The following NUDC variants were observed in gnomAD, a reference collection of about 807,000 sequenced individuals.
The protein encoded by NUDC is nuclear distribution C, dynein complex regulator, also known as nuclear migration protein nudC.
In NUDC, 14 loss-of-function variants were observed where a neutral mutation model predicts 45.0. That is an observed-to-expected ratio of 0.31 (90% CI 0.21 to 0.49). NUDC has a LOEUF of 0.49. Among genes scored for constraint, NUDC ranks in the 20% least tolerant of loss-of-function variants. The probability of loss-of-function intolerance (pLI) is 0.99; values close to 1 mark genes in which losing one functional copy is unlikely to be tolerated. For missense variants in NUDC, 323 were observed against 426.2 expected (o/e 0.76, Z 2.13); for synonymous variants, 153 against 156.7 (o/e 0.98, Z 0.17).
chr1:26,914,730 G>T (rs976015675), intron 3 of NUDC, among the ~76,000 whole-genome samples: 4 of 152,176 alleles, frequency 2.6e-5, no homozygotes, highest in Non-Finnish European at 4.4e-5. Context: ...ACTTTGGGAG[G>T]CTGAGGAAGG....
chr1:26,914,283 C>T (rs2082049132), intron 3 of NUDC, among the ~76,000 whole-genome samples: 1 of 152,218 alleles, frequency 6.6e-6, no homozygotes, highest in Admixed American at 6.5e-5. Context: ...GGCACCAAGG[C>T]CCCAGGTGCA....
At chr1:26,922,049 A>G (rs1383332605) in intron 1 of NUDC, 120 bp downstream of exon 1, 2 of 1,012,470 alleles carry the variant, frequency 2.0e-6, no homozygotes, top group East Asian at 5.3e-5. Flanking sequence ...ATGCCCCTAC[A>G]TTCTCACTGC....
At chr1:26,921,631 G>A, upstream of NUDC, 1 of 592,998 alleles carries the variant, frequency 1.7e-6, no homozygotes, top group Non-Finnish European at 3.0e-6. Flanking sequence ...AATGGTCGGC[G>A]AAGCGGGTTG....
At chr1:26,945,722 G>A (rs765268614) in intron 8 of NUDC, 36 bp downstream of exon 8, 1 of 1,502,510 alleles carries the variant, frequency 6.7e-7, no homozygotes, top group Non-Finnish European at 9.3e-7. Flanking sequence ...GGGACCGTGG[G>A]TGCCTGGGGG....
intron 3 of NUDC, among the ~76,000 whole-genome samples, chr1:26,915,003 ATG>A (rs2082054184): frequency 6.8e-6 from 1 of 147,582 alleles, no homozygotes; most frequent in Non-Finnish European, 1.5e-5. Context: ...GTATATGTAT[ATG>A]TATATGTATA....
intron 1 of NUDC, among the ~76,000 whole-genome samples, chr1:26,922,911 G>T (rs1013253193): frequency 6.6e-6 from 1 of 152,124 alleles, no homozygotes; most frequent in Non-Finnish European, 1.5e-5. Flanking sequence ...TAAACTGTTC[G>T]CACAAAACTG....
At chr1:26,936,905 C>G (rs1242608918) in intron 2 of NUDC, among the ~76,000 whole-genome samples, 1 of 152,082 alleles carries the variant, frequency 6.6e-6, no homozygotes, top group Non-Finnish European at 1.5e-5. Context: ...ACCGTAACTA[C>G]CCAGAATTAC....
At chr1:26,914,966 C>T (rs941532554) in intron 3 of NUDC, among the ~76,000 whole-genome samples, 3 of 143,066 alleles carry the variant, frequency 2.1e-5, no homozygotes, top group African/African-American at 8.0e-5. Flanking sequence ...GATCCTGTCT[C>T]AAAAAAATAT....
chr1:26,924,206 T>C (rs761510286), intron 2 of NUDC, 40 bp downstream of exon 2: 2 of 1,572,756 alleles, frequency 1.3e-6, no homozygotes, highest in East Asian at 4.5e-5. Flanking sequence ...CGGCTCTGTC[T>C]CTTCAGAAGA....
At chr1:26,912,310 G>T (rs1280280877) in intron 3 of NUDC, among the ~76,000 whole-genome samples, 3 of 152,138 alleles carry the variant, frequency 2.0e-5, no homozygotes, top group African/African-American at 4.8e-5. Flanking sequence ...TAATGGTTAA[G>T]AATTAGGCTT....
chr1:26,944,389 C>T (rs1248312296), intron 6 of NUDC, among the ~76,000 whole-genome samples: 1 of 152,048 alleles, frequency 6.6e-6, no homozygotes, highest in Non-Finnish European at 1.5e-5. Context: ...TTTGTAAAGA[C>T]AGGGTCTCAT....
At chr1:26,935,005 A>G (rs1251131639) in intron 2 of NUDC, among the ~76,000 whole-genome samples, 1 of 131,436 alleles carries the variant, frequency 7.6e-6, no homozygotes, top group Non-Finnish European at 1.6e-5. Flanking sequence ...CTTTTGAGAC[A>G]GAGTCTCGCT....
chr1:26,902,985 G>T (rs2081986967), intron 2 of NUDC, among the ~76,000 whole-genome samples: 2 of 151,912 alleles, frequency 1.3e-5, no homozygotes, highest in Admixed American at 6.6e-5. Context: ...AGGAGGCGGA[G>T]GTTGCAGTGA....
Position 26,912,023 on chromosome 1 carries a change from A to G in NUDC, c.93+788A>G, listed in dbSNP as rs2082030190. On this transcript the variant is annotated intron_variant, in intron 3 of 6. Transcript: ENST00000435827. ...GCACCAGGGTTCCAGGACTTCACACAGCACCCAGTGAGCCTCCTGCTGCAG... is the reference window on the plus strand; with the variant it reads ...GCACCAGGGTTCCAGGACTTCACACGGCACCCAGTGAGCCTCCTGCTGCAG... The G allele has an allele frequency of 6.2e-7, 1 of 1,614,074 alleles. No individual in the cohort carries two copies. The highest frequency in any genetic ancestry group is 1.3e-5 in the African/African-American group (1 of 74,934).
At chr1:26,920,533 T>C (rs1479447124), upstream of NUDC, among the ~76,000 whole-genome samples, 1 of 141,232 alleles carries the variant, frequency 7.1e-6, no homozygotes, top group African/African-American at 2.7e-5. Context: ...AGATGGGAGG[T>C]GAGGGAGTAG....
At chr1:26,927,236 G>C (rs1038218023) in intron 2 of NUDC, among the ~76,000 whole-genome samples, 2 of 119,688 alleles carry the variant, frequency 1.7e-5, no homozygotes, top group African/African-American at 7.0e-5. Flanking sequence ...CTGGAGCACA[G>C]TGGCTGTAAG....
At chr1:26,943,329 T>C (rs1180674095) in intron 6 of NUDC, among the ~76,000 whole-genome samples, 1 of 152,146 alleles carries the variant, frequency 6.6e-6, no homozygotes, top group East Asian at 1.9e-4. Context: ...CGCCTCGTCC[T>C]CCTGAGTAGC....
intron 6 of NUDC, among the ~76,000 whole-genome samples, chr1:26,943,501 A>G (rs943144875): frequency 2.6e-5 from 4 of 152,122 alleles, no homozygotes; most frequent in African/African-American, 9.7e-5. Context: ...TACAGGCTTG[A>G]GTCAGGAAAA....
At chr1:26,909,426 A>G (rs1253652088) in intron 2 of NUDC, among the ~76,000 whole-genome samples, 1 of 152,168 alleles carries the variant, frequency 6.6e-6, no homozygotes, top group African/African-American at 2.4e-5. Flanking sequence ...CTGGCAAGGT[A>G]GAGTTAATAA....
Sources: allele counts gnomAD v4.1 joint callset (sites outside exome capture counted in the v4.1 genomes callset), GRCh38; gene constraint gnomAD v4.1.1; transcripts MANE v1.5; gene names NCBI Gene and HGNC (gene_info 2026-07-23, HGNC 2026-07-21).